Variants in ABR observed in about 807,000 individuals in gnomAD.
ABR encodes the protein active breakpoint cluster region-related protein.
ABR carries 35 observed loss-of-function variants against 107.2 expected under a neutral mutation model. The ratio of observed to expected loss-of-function variants is 0.33; its 90% CI spans 0.25 to 0.43. ABR has a LOEUF of 0.43. Among genes scored for constraint, ABR ranks in the 20% least tolerant of loss-of-function variants. The probability of loss-of-function intolerance (pLI) is 1.00; values close to 1 mark genes in which losing one functional copy is unlikely to be tolerated. For synonymous variants in ABR, 498 were observed against 462.0 expected (o/e 1.08, Z -1.00); for missense variants, 815 against 1,115.2 (o/e 0.73, Z 3.83).
At position 1,212,130 on chromosome 17, in the gene ABR, A is replaced by C. The variant is rs1380231357; in HGVS notation, c.838+16663T>G. Among the ~76,000 whole-genome samples the C allele has an allele frequency of 4.1e-5, 6 of 144,764 alleles. No homozygotes were observed. In the East Asian group the frequency reaches 1.3e-3, roughly 32 times the overall value. The allele number at this position is 144,764 out of a possible 152,430, so 95.0% of individuals were successfully genotyped here. A position where few individuals can be genotyped will look rare whatever the true frequency, so the allele number is the denominator to read the frequency against. ...ACAAGAAGAAGAATGAAACAGTGTT[A>C]AACTGAGATACAAAGAGGCTGGGCA... On this transcript the variant is annotated intron_variant, in intron 1 of 22. Coordinates refer to the ABR transcript ENST00000574139.
intron 2 of ABR, among the ~76,000 whole-genome samples, chr17:1,118,242 C>G (rs1231647048): frequency 1.0e-5 from 1 of 96,224 alleles, no homozygotes; most frequent in African/African-American, 4.2e-5. Flanking sequence ...TAACCCTGAG[C>G]CTGAGTTCCT....
At chr17:1,028,756 C>G (rs1354628502) in intron 16 of ABR, among the ~76,000 whole-genome samples, 1 of 152,180 alleles carries the variant, frequency 6.6e-6, no homozygotes, top group Non-Finnish European at 1.5e-5. Flanking sequence ...CTCCTTACAC[C>G]CTGCCGGCTC....
At chr17:1,015,858 C>G (rs2071115576) in intron 16 of ABR, among the ~76,000 whole-genome samples, 1 of 152,140 alleles carries the variant, frequency 6.6e-6, no homozygotes, top group East Asian at 1.9e-4. Context: ...GTTCGCGTAT[C>G]TATAGGGTAT....
At chr17:1,029,991 C>T (rs1314200993) in intron 16 of ABR, among the ~76,000 whole-genome samples, 3 of 151,930 alleles carry the variant, frequency 2.0e-5, no homozygotes, top group Admixed American at 1.3e-4. Context: ...GGGATGGAAT[C>T]GCTCGTCACA....
At chr17:1,226,757 CGT>C (rs540564121) in intron 1 of ABR, among the ~76,000 whole-genome samples, 4 of 77,172 alleles carry the variant, frequency 5.2e-5, no homozygotes, top group East Asian at 2.5e-4. Flanking sequence ...TGCTGCTGTG[CGT>C]GTGTGTGCAT....
intron 10 of ABR, among the ~76,000 whole-genome samples, chr17:1,060,434 A>G (rs902117481): frequency 6.6e-6 from 1 of 152,122 alleles, no homozygotes; most frequent in African/African-American, 2.4e-5. Flanking sequence ...AGAATCTGAT[A>G]CATCCAAAGG....
Position 1,084,198 on chromosome 17 carries a change from G to A in ABR, c.532-571C>T, listed in dbSNP as rs572352070. 1.2e-4 allele frequency among the ~76,000 whole-genome samples: 19 copies of A among 152,308 alleles called. No individual in the cohort carries two copies. Among genetic ancestry groups the A allele is most frequent in the South Asian group, 2.1e-4 (1 of 4,822 alleles). On this transcript the variant is annotated intron_variant, in intron 4 of 22. Coordinates refer to ENST00000302538, the MANE Select transcript of ABR (RefSeq NM_021962.5). The surrounding 1 kb of genome is among the most constrained non-coding windows in gnomAD (Gnocchi z 4.2). ...TCCAGACCAGCCTGGCCAACATGGC[G>A]AAACCCCGTCTCTACTAAAAATACA...
chr17:1,127,731 T>C (rs1036124238), intron 1 of ABR, among the ~76,000 whole-genome samples: 24 of 151,862 alleles, frequency 1.6e-4, no homozygotes, highest in African/African-American at 5.8e-4. Flanking sequence ...ACTGACCAAT[T>C]CCCAGGGGTC....
intron 3 of ABR, among the ~76,000 whole-genome samples, chr17:1,097,230 C>G (rs2037527627): frequency 6.6e-6 from 1 of 152,132 alleles, no homozygotes; most frequent in Non-Finnish European, 1.5e-5. Context: ...ACCACGAAGC[C>G]CTAACCTGTC....
intron 16 of ABR, among the ~76,000 whole-genome samples, chr17:1,017,136 C>T (rs577839753): frequency 6.6e-6 from 1 of 152,228 alleles, no homozygotes; most frequent in South Asian, 2.1e-4. Context: ...ACCACTGCTC[C>T]GGGCACCTCT....
At chr17:1,046,865 C>G (rs374266353) in intron 16 of ABR, among the ~76,000 whole-genome samples, 1 of 152,180 alleles carries the variant, frequency 6.6e-6, no homozygotes, top group East Asian at 1.9e-4. Flanking sequence ...TGGAGGATCA[C>G]GACAAGGATC....
intron 1 of ABR, among the ~76,000 whole-genome samples, chr17:1,214,007 C>A (rs947075995): frequency 1.3e-5 from 2 of 152,232 alleles, no homozygotes; most frequent in East Asian, 3.9e-4. Flanking sequence ...CCTGCCTCAG[C>A]CTCCCGAGTA....
At chr17:1,160,593 G>C (rs986729994) in intron 1 of ABR, among the ~76,000 whole-genome samples, 2 of 152,202 alleles carry the variant, frequency 1.3e-5, no homozygotes, top group Non-Finnish European at 2.9e-5. Flanking sequence ...CAGGTGCCAG[G>C]GGTACGACGG....
intron 1 of ABR, among the ~76,000 whole-genome samples, chr17:1,221,702 C>T (rs780642949): frequency 1.8e-4 from 28 of 152,084 alleles, no homozygotes; most frequent in Admixed American, 3.9e-4. Flanking sequence ...CCAGAAAGGG[C>T]ACGGGAAAAG....
intron 16 of ABR, among the ~76,000 whole-genome samples, chr17:1,014,293 T>C (rs954245672): frequency 1.5e-5 from 2 of 133,604 alleles, no homozygotes; most frequent in Non-Finnish European, 3.2e-5. Flanking sequence ...TACAAAAAAT[T>C]AGCCGGGCGT....
In ABR at chr17:1,031,592, G is replaced by GGGC. The variant is rs2072767869; in HGVS notation, c.1792-18431_1792-18429dup. ...ACCCCCCGGAACCTCCAGCCCCCGC[G>GGGC]GGCACCTTGTTTCGGAGCAGCTTGT... is the stretch of plus-strand genomic sequence containing the variant. On this transcript the variant is annotated intron_variant, in intron 16 of 22. Coordinates refer to ENST00000302538, the MANE Select transcript of ABR (RefSeq NM_021962.5). 7 of 987,136 alleles carry GGGC rather than the reference G, an allele frequency of 7.1e-6. No individual in the cohort carries two copies. The African/African-American group carries it at 1.3e-4, about 19-fold the overall frequency. 61.1% of individuals were successfully genotyped at this position (987,136 alleles called of 1,614,324 possible).
At chr17:1,025,112 T>C (rs1597421337) in intron 16 of ABR, among the ~76,000 whole-genome samples, 1 of 26,610 alleles carries the variant, frequency 3.8e-5, no homozygotes. Flanking sequence ...ACAGCGAGAC[T>C]CCGTCTCAAA....
intron 1 of ABR, among the ~76,000 whole-genome samples, chr17:1,169,037 G>A (rs1012167815): frequency 6.6e-6 from 1 of 152,190 alleles, no homozygotes; most frequent in East Asian, 1.9e-4. Context: ...GACCCTCCCC[G>A]TGACGCACTC....
At chr17:1,067,013 C>CAA in intron 10 of ABR, 64 bp downstream of exon 10, 1 of 1,571,238 alleles carries the variant, frequency 6.4e-7, no homozygotes, top group South Asian at 1.1e-5. Context: ...CAACTTCCTG[C>CAA]CTCCACCTCC....
Sources: gnomAD v4.1 joint callset for allele counts (sites outside exome capture counted in the v4.1 genomes callset) on GRCh38, gnomAD v4.1.1 for gene constraint, Gnocchi (gnomAD v3.1) non-coding constraint, MANE v1.5 for transcripts, NCBI Gene and HGNC (gene_info 2026-07-23, HGNC 2026-07-21) for gene names.